Variants in NPY2R observed in about 807,000 individuals in gnomAD.
NPY2R encodes the protein neuropeptide Y receptor type 2.
NPY2R carries 17 observed loss-of-function variants against 22.3 expected under a neutral mutation model. The observed-to-expected ratio is 0.76, with a 90% CI of 0.52 to 1.14. The LOEUF (loss-of-function observed/expected upper bound fraction) is 1.14. Ranked by LOEUF, NPY2R falls within the 50% of genes most tolerant of loss-of-function variation. The pLI is 0.00. For synonymous variants in NPY2R, 209 were observed against 183.4 expected, an observed-to-expected ratio of 1.14 and a Z score of -1.13; for missense variants, 424 against 467.9, an observed-to-expected ratio of 0.91 and a Z score of 0.87.
the NPY2R span, among the ~76,000 whole-genome samples, chr4:155,184,189 AC>A: frequency 6.7e-6 from 1 of 148,566 alleles, no homozygotes; most frequent in Non-Finnish European, 1.5e-5. Context: ...TTTAAGAAGA[AC>A]CCTCTCTTGA....
chr4:155,176,592 A>G, the NPY2R span, among the ~76,000 whole-genome samples: 366 of 152,314 alleles, frequency 2.4e-3, 1 homozygote, highest in Non-Finnish European at 3.4e-3. Context: ...ATTAGGATAC[A>G]TAAACACAAC....
the NPY2R span, among the ~76,000 whole-genome samples, chr4:155,194,787 C>G: frequency 5.3e-5 from 8 of 151,846 alleles, no homozygotes; most frequent in African/African-American, 1.7e-4. Context: ...AATGGCAGTT[C>G]TGAGTTCTTT....
the NPY2R span, among the ~76,000 whole-genome samples, chr4:155,203,108 T>C: frequency 1.3e-5 from 2 of 152,144 alleles, no homozygotes; most frequent in South Asian, 4.1e-4. Flanking sequence ...ATGCTGCATA[T>C]GTTGCTTATA....
the NPY2R span, among the ~76,000 whole-genome samples, chr4:155,190,662 A>C: frequency 6.6e-6 from 1 of 152,034 alleles, no homozygotes; most frequent in Non-Finnish European, 1.5e-5. Context: ...AAATCATGAT[A>C]ATTACTTCAG....
In NPY2R at chr4:155,215,874, C is replaced by A. The variant is rs2111049590; in HGVS notation, c.*789C>A. 6.0e-6 allele frequency: 1 copy of A among 167,058 alleles called. No individual in the cohort carries two copies. The highest frequency in any genetic ancestry group is 6.5e-5 in the Admixed American group (1 of 15,302). 10.3% of individuals were successfully genotyped at this position (167,058 alleles called of 1,614,324 possible). On this transcript the variant is annotated 3_prime_UTR_variant, in exon 2 of 2. Coordinates refer to ENST00000329476, the MANE Select transcript of NPY2R (RefSeq NM_000910.4). ...AGATACTATTTAGATAACAAGAATA[C>A]AACTTGATACTTTTATTGTTATACC...
At position 155,214,041 on chromosome 4, in the gene NPY2R, T is replaced by C. The variant is rs981281914; in HGVS notation, c.102T>C (p.Pro34=). ...PQTTPRGELV[P]DPEPELIDST... is the part of the protein sequence containing the mutation. ...CAACTCCTAGAGGTGAACTGGTCCCTGACCCTGAGCCAGAGCTTATAGATA... is the reference window on the plus strand; with the variant it reads ...CAACTCCTAGAGGTGAACTGGTCCCCGACCCTGAGCCAGAGCTTATAGATA... Residue 34 remains proline (P), a synonymous_variant, in exon 2 of 2, where the codon CCT becomes CCC. Transcript: ENST00000329476. 6.2e-7 allele frequency: 1 copy of C among 1,614,028 alleles called. No homozygotes were observed. The highest frequency in any genetic ancestry group is 8.5e-7 in the Non-Finnish European group (1 of 1,179,900).
At chr4:155,203,024 C>A in the NPY2R span, among the ~76,000 whole-genome samples, 2 of 152,038 alleles carry the variant, frequency 1.3e-5, no homozygotes, top group African/African-American at 2.4e-5. Context: ...CATTTAAATA[C>A]CCTTTTAGAT....
chr4:155,178,164 C>T, the NPY2R span, among the ~76,000 whole-genome samples: 4 of 152,172 alleles, frequency 2.6e-5, no homozygotes, highest in African/African-American at 9.7e-5. Flanking sequence ...GTGAGATCAT[C>T]TGCTCTTGTT....
Position 155,215,094 on chromosome 4 carries a change from T to C in NPY2R, c.*9T>C, listed in dbSNP as rs530737790. On this transcript the variant is annotated 3_prime_UTR_variant, in exon 2 of 2. Coordinates refer to ENST00000329476, the MANE Select transcript of NPY2R (RefSeq NM_000910.4). Reference sequence around the variant, plus strand: ...AGGCTACCAATGTCTAAGGAAGCTGTGGTGTGAAAATGTATGGATGAATTC... The same window carrying C: ...AGGCTACCAATGTCTAAGGAAGCTGCGGTGTGAAAATGTATGGATGAATTC... 166 of 1,611,482 alleles carry C rather than the reference T, an allele frequency of 1.0e-4. 2 individuals carry two copies. In the South Asian group the frequency reaches 1.7e-3, roughly 16 times the overall value.
At chr4:155,201,228 G>T in the NPY2R span, among the ~76,000 whole-genome samples, 39 of 152,054 alleles carry the variant, frequency 2.6e-4, no homozygotes, top group African/African-American at 9.4e-4. Context: ...TCCCCCAAAG[G>T]ATCAGCAGAA....
At chr4:155,179,396 G>T in the NPY2R span, among the ~76,000 whole-genome samples, 1 of 152,154 alleles carries the variant, frequency 6.6e-6, no homozygotes, top group Non-Finnish European at 1.5e-5. Flanking sequence ...TTTTTGGCAA[G>T]CTGTCAAGTT....
the NPY2R span, among the ~76,000 whole-genome samples, chr4:155,181,929 G>T: frequency 6.6e-6 from 1 of 152,064 alleles, no homozygotes; most frequent in Admixed American, 6.6e-5. Context: ...CATTAAAATG[G>T]GCTCTCTGAA....
chr4:155,189,501 C>T, the NPY2R span, among the ~76,000 whole-genome samples: 14 of 151,944 alleles, frequency 9.2e-5, no homozygotes, highest in African/African-American at 3.1e-4. Flanking sequence ...CACCTTGTGA[C>T]ATAATTAATT....
the NPY2R span, among the ~76,000 whole-genome samples, chr4:155,202,492 T>A: frequency 6.6e-6 from 1 of 152,166 alleles, no homozygotes; most frequent in Non-Finnish European, 1.5e-5. Flanking sequence ...CAATAAAGAT[T>A]TCTTTGTAGG....
the NPY2R span, among the ~76,000 whole-genome samples, chr4:155,201,574 G>A: frequency 1.3e-5 from 2 of 152,022 alleles, no homozygotes; most frequent in Non-Finnish European, 2.9e-5. Flanking sequence ...TGAGTTTTGG[G>A]GTAGTTTGTT....
In NPY2R at chr4:155,214,762, G is replaced by A. The variant is rs1161120451; in HGVS notation, c.823G>A (p.Val275Met). 1.2e-6 allele frequency: 2 copies of A among 1,614,032 alleles called. No homozygotes were observed. The highest frequency in any genetic ancestry group is 1.7e-6 in the Non-Finnish European group (2 of 1,179,990). ...CACCAAAATGCTGGTGTGTGTGGTGGTGGTGTTTGCGGTCAGCTGGCTGCC... is the reference window on the plus strand; with the variant it reads ...CACCAAAATGCTGGTGTGTGTGGTGATGGTGTTTGCGGTCAGCTGGCTGCC... Reference protein sequence around the residue: ...KTTKMLVCVVVVFAVSWLPLH... With the variant: ...KTTKMLVCVVMVFAVSWLPLH... The change falls in exon 2 of 2, where the codon GTG becomes ATG. Residue 275 changes from valine to methionine, a missense_variant. Transcript: ENST00000329476.
At chr4:155,207,132 C>T (rs1406448795), upstream of NPY2R, 21 of 152,264 alleles carry the variant, frequency 1.4e-4, no homozygotes, top group Non-Finnish European at 8.8e-5. Context: ...CTCCTGTGGG[C>T]ATAATTCTAT....
chr4:155,211,184 C>T (rs2111039504), intron 1 of NPY2R, among the ~76,000 whole-genome samples: 1 of 152,188 alleles, frequency 6.6e-6, no homozygotes, highest in South Asian at 2.1e-4. Context: ...TTGCTGAGTA[C>T]CTTTAATATG....
the NPY2R span, among the ~76,000 whole-genome samples, chr4:155,187,643 A>G: frequency 6.6e-6 from 1 of 152,154 alleles, no homozygotes; most frequent in African/African-American, 2.4e-5. Flanking sequence ...CAGTACCTCC[A>G]AAGGATAATT....
Sources: allele counts gnomAD v4.1 joint callset (sites outside exome capture counted in the v4.1 genomes callset), GRCh38; gene constraint gnomAD v4.1.1; transcripts MANE v1.5; gene names NCBI Gene and HGNC (gene_info 2026-07-23, HGNC 2026-07-21).